Variants in RSPO2 observed in about 807,000 individuals in gnomAD.
RSPO2 encodes the protein R-spondin-2.
RSPO2 carries 14 observed loss-of-function variants against 30.9 expected under a neutral mutation model. The observed-to-expected ratio is 0.45, with a 90% CI of 0.30 to 0.71. The LOEUF (loss-of-function observed/expected upper bound fraction) is 0.71. Among genes scored for constraint, RSPO2 ranks in the 30% least tolerant of loss-of-function variants. The pLI, the probability that RSPO2 is intolerant of heterozygous loss-of-function variation, is 0.08. For missense variants in RSPO2, 264 were observed against 301.9 expected (o/e 0.87, Z 0.93); for synonymous variants, 107 against 96.4 (o/e 1.11, Z -0.64).
chr8:107,997,962 T>C (rs963727210), intron 2 of RSPO2, among the ~76,000 whole-genome samples: 1 of 152,208 alleles, frequency 6.6e-6, no homozygotes, highest in East Asian at 1.9e-4. Flanking sequence ...TCTGAATTCC[T>C]TCTAGGTGAA....
chr8:108,023,252 T>C lies in RSPO2; in HGVS notation c.95-34008A>G, dbSNP rs1260256358. Among the ~76,000 whole-genome samples the C allele has an allele frequency of 3.3e-5, 5 of 152,328 alleles. No homozygotes were observed. The South Asian group carries it at 6.2e-4, about 19-fold the overall frequency. On this transcript the variant is annotated intron_variant, in intron 2 of 5. Coordinates refer to ENST00000276659, the MANE Select transcript of RSPO2 (RefSeq NM_178565.5). ...ATTTAAGGGAATAAAATTATATCAC[T>C]TTAAGCAAATTCAGGAAATTCCACA...
At chr8:108,056,028 A>G (rs1812231649) in intron 2 of RSPO2, among the ~76,000 whole-genome samples, 1 of 152,172 alleles carries the variant, frequency 6.6e-6, no homozygotes, top group African/African-American at 2.4e-5. Context: ...CATCTTTAAG[A>G]TGGAGAGAAA....
chr8:107,927,089 T>G (rs1210211350), intron 5 of RSPO2, among the ~76,000 whole-genome samples: 1 of 151,064 alleles, frequency 6.6e-6, no homozygotes, highest in Non-Finnish European at 1.5e-5. Context: ...TGGTTTATAG[T>G]TCTCCTTGAA....
At chr8:108,044,719 C>T (rs551492874) in intron 2 of RSPO2, among the ~76,000 whole-genome samples, 2 of 152,036 alleles carry the variant, frequency 1.3e-5, no homozygotes, top group East Asian at 1.9e-4. Context: ...TGGGTATATA[C>T]GTGGTAATGA....
intron 2 of RSPO2, among the ~76,000 whole-genome samples, chr8:108,060,794 G>A (rs1458199993): frequency 6.6e-6 from 1 of 151,744 alleles, no homozygotes; most frequent in Non-Finnish European, 1.5e-5. Context: ...GAAAGGTCGG[G>A]TTACCCTCAA....
intron 2 of RSPO2, among the ~76,000 whole-genome samples, chr8:108,050,253 G>A (rs2443775): frequency 0.62 from 94,315 of 151,934 alleles, 31,202 homozygotes; most frequent in African/African-American, 0.88. Flanking sequence ...AAGCCTCCCA[G>A]TGAAAGTAAG....
chr8:108,057,179 G>A (rs1036075004), intron 2 of RSPO2, among the ~76,000 whole-genome samples: 3 of 145,490 alleles, frequency 2.1e-5, no homozygotes, highest in African/African-American at 7.6e-5. Context: ...CAACAATAAG[G>A]AAACTGATTT....
At chr8:108,028,588 CA>C (rs1238985723) in intron 2 of RSPO2, among the ~76,000 whole-genome samples, 3 of 152,158 alleles carry the variant, frequency 2.0e-5, no homozygotes, top group African/African-American at 7.2e-5. Context: ...CATGGTAGAC[CA>C]GCAGCTCTCT....
intron 3 of RSPO2, among the ~76,000 whole-genome samples, chr8:107,968,062 AC>A (rs1266359948): frequency 6.6e-6 from 1 of 152,110 alleles, no homozygotes; most frequent in African/African-American, 2.4e-5. Flanking sequence ...AAAATTTACT[AC>A]CAATGTGATC....
At chr8:107,990,683 C>T (rs1814814933) in intron 2 of RSPO2, among the ~76,000 whole-genome samples, 1 of 152,110 alleles carries the variant, frequency 6.6e-6, no homozygotes, top group African/African-American at 2.4e-5. Flanking sequence ...TGACATTTTT[C>T]ACAGAACTGG....
chr8:108,055,464 A>T (rs1812215655), intron 2 of RSPO2, among the ~76,000 whole-genome samples: 1 of 152,152 alleles, frequency 6.6e-6, no homozygotes, highest in Admixed American at 6.5e-5. Flanking sequence ...TTTATAAGCA[A>T]TTCTTGGCTG....
At chr8:107,944,208 A>C (rs983155061) in intron 5 of RSPO2, among the ~76,000 whole-genome samples, 3 of 152,224 alleles carry the variant, frequency 2.0e-5, no homozygotes, top group Admixed American at 2.0e-4. Flanking sequence ...GGATTGTATC[A>C]CCAAAAAGTG....
chr8:107,951,105 TC>T (rs1813232278), intron 5 of RSPO2, among the ~76,000 whole-genome samples: 2 of 151,454 alleles, frequency 1.3e-5, no homozygotes, highest in South Asian at 4.2e-4. Context: ...TCTTGCTCTG[TC>T]CCCCAGGCTG....
intron 2 of RSPO2, among the ~76,000 whole-genome samples, chr8:107,992,914 ATT>A: frequency 6.6e-6 from 1 of 152,056 alleles, no homozygotes; most frequent in African/African-American, 2.4e-5. Flanking sequence ...AAATATCTTA[ATT>A]TTTTTTAAAG....
At chr8:107,978,318 T>C (rs1294930313) in intron 3 of RSPO2, among the ~76,000 whole-genome samples, 1 of 151,996 alleles carries the variant, frequency 6.6e-6, no homozygotes, top group Non-Finnish European at 1.5e-5. Context: ...TCCCAGCTAC[T>C]TGGGAGGCCG....
intron 2 of RSPO2, among the ~76,000 whole-genome samples, chr8:108,007,846 A>C (rs1815501700): frequency 6.6e-6 from 1 of 152,152 alleles, no homozygotes. Flanking sequence ...AGGCTGAGGC[A>C]GGAGGGTCAC....
At chr8:107,986,721 C>A (rs1814651031) in intron 3 of RSPO2, among the ~76,000 whole-genome samples, 1 of 151,908 alleles carries the variant, frequency 6.6e-6, no homozygotes, top group African/African-American at 2.4e-5. Flanking sequence ...AGCCCTAGAA[C>A]TTGGAATAAA....
At chr8:107,964,668 C>T (rs143710462) in intron 3 of RSPO2, among the ~76,000 whole-genome samples, 134 of 152,208 alleles carry the variant, frequency 8.8e-4, no homozygotes, top group African/African-American at 2.8e-3. Context: ...TCTGTTCAGC[C>T]ATTTCTCCAG....
intron 5 of RSPO2, among the ~76,000 whole-genome samples, chr8:107,927,064 T>A (rs1283681057): frequency 6.6e-6 from 1 of 152,162 alleles, no homozygotes; most frequent in Non-Finnish European, 1.5e-5. Context: ...TGTCCTCTTT[T>A]ATTTCATTGA....
Sources: gnomAD v4.1 joint callset for allele counts (sites outside exome capture counted in the v4.1 genomes callset) on GRCh38, gnomAD v4.1.1 for gene constraint, MANE v1.5 for transcripts, NCBI Gene and HGNC (gene_info 2026-07-23, HGNC 2026-07-21) for gene names.